The following EPHA4 variants were observed in gnomAD, a reference collection of about 807,000 sequenced individuals.
The protein encoded by EPHA4 is EPH receptor A4.
EPHA4 carries 19 observed loss-of-function variants against 108.3 expected under a neutral mutation model. The ratio of observed to expected loss-of-function variants is 0.18; its 90% CI spans 0.12 to 0.26. The LOEUF (loss-of-function observed/expected upper bound fraction) is 0.26, where lower values mean the gene tolerates loss of function less well. Among genes scored for constraint, EPHA4 ranks in the 10% least tolerant of loss-of-function variants. EPHA4 has a pLI of 1.00. For synonymous variants in EPHA4, 449 were observed against 455.5 expected (o/e 0.99, Z 0.18); for missense variants, 917 against 1,254.0 (o/e 0.73, Z 4.06).
chr2:221,533,095 A>C (rs1369098404), intron 3 of EPHA4: 1 of 152,226 alleles, frequency 6.6e-6, no homozygotes, highest in Non-Finnish European at 1.5e-5. Flanking sequence ...TAAATAAAGA[A>C]CAACAACAAT....
In EPHA4 at chr2:221,551,908, G is replaced by A. The variant is rs939864941; in HGVS notation, c.823+11823C>T. Among the ~76,000 whole-genome samples the A allele has an allele frequency of 2.0e-5, 3 of 151,706 alleles. No individual in the cohort carries two copies. The South Asian group carries it at 6.2e-4, about 32-fold the overall frequency. On this transcript the variant is annotated intron_variant, in intron 3 of 17. Transcript: ENST00000281821. ...TATCAGTGCTAATTTTAAACTCTAG[G>A]ATACAAGCAGAGAGGCAATTCTAAA...
At chr2:221,456,004 A>G (rs1690938311) in intron 7 of EPHA4, among the ~76,000 whole-genome samples, 1 of 152,156 alleles carries the variant, frequency 6.6e-6, no homozygotes. Context: ...AAAATCTATC[A>G]TCTTTTTATC....
rs1253307649 is a variant in EPHA4 at position 221,442,817 on chromosome 2, T to TA, written c.2074+11_2074+12insT. The TA allele has an allele frequency of 1.9e-6, 3 of 1,613,582 alleles. No individual in the cohort carries two copies. The Admixed American group carries it at 5.0e-5, about 27-fold the overall frequency. On this transcript the variant is annotated intron_variant, in intron 11 of 17. Coordinates refer to ENST00000281821, the MANE Select transcript of EPHA4 (RefSeq NM_004438.5). ...TTCTAGCTTGGCTTTGTAAAGGGGG[T>TA]GACCCACGTACATTTAGTGACCACG...
At chr2:221,429,564 T>C (rs1448375212) in intron 15 of EPHA4, among the ~76,000 whole-genome samples, 1 of 152,174 alleles carries the variant, frequency 6.6e-6, no homozygotes, top group African/African-American at 2.4e-5. Flanking sequence ...AAAGACCTGT[T>C]TTCTAATCTT....
intron 5 of EPHA4, among the ~76,000 whole-genome samples, chr2:221,473,454 G>A (rs1435549587): frequency 6.8e-6 from 1 of 147,948 alleles, no homozygotes; most frequent in Non-Finnish European, 1.5e-5. Flanking sequence ...GTATTTGAGT[G>A]ACATGGACAG....
chr2:221,537,550 G>A (rs942645308), intron 3 of EPHA4, among the ~76,000 whole-genome samples: 1 of 152,238 alleles, frequency 6.6e-6, no homozygotes, highest in Non-Finnish European at 1.5e-5. Flanking sequence ...ACTTTGGGAG[G>A]CCAAGGAGGT....
chr2:221,566,953 AAGGG>A lies in EPHA4; in HGVS notation c.159+1761_159+1764del, dbSNP rs1559297396. Among the ~76,000 whole-genome samples the A allele has an allele frequency of 4.2e-3, 354 of 84,850 alleles. 106 individuals are homozygous for A. The highest frequency in any genetic ancestry group is 9.5e-3 in the African/African-American group (148 of 15,514). The allele number at this position is 84,850 out of a possible 152,430, so 55.7% of individuals were successfully genotyped here. A position where few individuals can be genotyped will look rare whatever the true frequency, so the allele number is the denominator to read the frequency against. ...GAAGGAGAAGGAGAAGGAGAAGGAG[AAGGG>A]GAAGAGGAAGAGGAAGAAGAAGAAG... On this transcript the variant is annotated intron_variant, in intron 2 of 17. Coordinates refer to ENST00000281821, the MANE Select transcript of EPHA4 (RefSeq NM_004438.5).
intron 3 of EPHA4, among the ~76,000 whole-genome samples, chr2:221,528,797 A>G (rs191088786): frequency 1.3e-5 from 2 of 152,274 alleles, no homozygotes; most frequent in Admixed American, 1.3e-4. Context: ...TCTGGGTTCC[A>G]TGCCCTCCTG....
chr2:221,460,243 G>A (rs74770595), intron 5 of EPHA4, among the ~76,000 whole-genome samples: 1 of 152,168 alleles, frequency 6.6e-6, no homozygotes, highest in African/African-American at 2.4e-5. Context: ...CATAAAAATG[G>A]AGAATAAGGA....
intron 3 of EPHA4, among the ~76,000 whole-genome samples, chr2:221,560,677 C>T (rs1387775640): frequency 1.3e-5 from 2 of 152,116 alleles, no homozygotes; most frequent in African/African-American, 4.8e-5. Context: ...TGACTTTTAC[C>T]AATCTTACAA....
intron 2 of EPHA4, among the ~76,000 whole-genome samples, chr2:221,566,121 A>G (rs1694620326): frequency 1.3e-5 from 2 of 152,210 alleles, no homozygotes; most frequent in African/African-American, 4.8e-5. Context: ...ATCAGGAGCC[A>G]TCACTTTCCC....
intron 3 of EPHA4, among the ~76,000 whole-genome samples, chr2:221,531,283 C>A (rs890721890): frequency 1.3e-5 from 2 of 152,092 alleles, no homozygotes; most frequent in African/African-American, 2.4e-5. Context: ...AGATTAACCA[C>A]CTCAATGCCT....
rs1450291973 is a variant in EPHA4 at position 221,426,043 on chromosome 2, T to C, written c.2946A>G (p.Arg982=). Residue 982 remains arginine, a synonymous_variant, in exon 17 of 18, where the codon AGA becomes AGG. Coordinates refer to ENST00000281821, the MANE Select transcript of EPHA4 (RefSeq NM_004438.5). ...MRTQMQQMHG[R]MVPV is the part of the protein sequence containing the mutation. ...CAGTACTGGCTCAGACGGGAACCAT[T>C]CTGCCGTGCATCTGCTGCATTTGGG... The C allele has an allele frequency of 1.2e-6, 2 of 1,614,126 alleles. No homozygotes were observed. Among genetic ancestry groups the C allele is most frequent in the Admixed American group, 1.7e-5 (1 of 60,026 alleles).
chr2:221,516,883 T>C (rs1693004949), intron 3 of EPHA4, among the ~76,000 whole-genome samples: 1 of 152,162 alleles, frequency 6.6e-6, no homozygotes, highest in South Asian at 2.1e-4. Flanking sequence ...CCAAACTGTT[T>C]ATTGAAATTT....
In EPHA4 at chr2:221,564,355, T is replaced by C; in HGVS notation, c.199A>G (p.Ile67Val). The C allele has an allele frequency of 1.9e-6, 3 of 1,613,242 alleles. No individual in the cohort carries two copies. Among genetic ancestry groups the C allele is most frequent in the Non-Finnish European group, 2.5e-6 (3 of 1,179,266 alleles). The change falls in exon 3 of 18, where the codon ATC (isoleucine) becomes GTC (valine). Residue 67 changes from isoleucine to valine, a missense_variant. Ile to Val is a conservative substitution (Grantham distance 29). Around this residue, in one of 3 missense-constraint regions of EPHA4, gnomAD observed 758 missense variants for 1,076.7 expected, o/e 0.70. Coordinates refer to ENST00000281821, the MANE Select transcript of EPHA4 (RefSeq NM_004438.5). ...VSIMDEKNTP[I>V]RTYQVCNVME... ...ACATTGCACACTTGGTAGGTTCGGA[T>C]TGGTGTATTTTTTTCATCCATGATA...
At chr2:221,500,018 A>C (rs111282916) in intron 4 of EPHA4, among the ~76,000 whole-genome samples, 14 of 151,800 alleles carry the variant, frequency 9.2e-5, no homozygotes, top group Non-Finnish European at 7.4e-5. Flanking sequence ...CAGCCTCCCA[A>C]AGTGCTGGGA....
chr2:221,457,871 C>T lies in EPHA4; in HGVS notation c.1438G>A (p.Glu480Lys). 1 of 1,613,438 alleles carries T rather than the reference C, an allele frequency of 6.2e-7. No individual in the cohort carries two copies. Among genetic ancestry groups the T allele is most frequent in the Non-Finnish European group, 8.5e-7 (1 of 1,179,564 alleles). Residue 480 changes from glutamate to lysine, a missense_variant, in exon 6 of 18, where the codon GAG becomes AAG. Physicochemically the swap from Glu to Lys is moderately conservative, Grantham distance 56. This residue lies in a region of EPHA4 where 758 missense variants were observed against 1,076.7 expected (regional missense o/e 0.70). Coordinates refer to ENST00000281821, the MANE Select transcript of EPHA4 (RefSeq NM_004438.5). The stretch of plus-strand genomic sequence containing the variant: ...GTTGTTCACTCAAGTAATACCTTCT[C>T]ATAATACTTGACTTCATATTCCAGG... Reference protein sequence around the residue: ...VILEYEVKYYEKDQNERSYRI... With the variant: ...VILEYEVKYYKKDQNERSYRI...
At chr2:221,542,877 T>C (rs1693877105) in intron 3 of EPHA4, among the ~76,000 whole-genome samples, 1 of 152,162 alleles carries the variant, frequency 6.6e-6, no homozygotes, top group Non-Finnish European at 1.5e-5. Flanking sequence ...AAGGCTTTGA[T>C]GGCAAAAAAC....
At chr2:221,423,189 C>T (rs1239012035) in intron 17 of EPHA4, among the ~76,000 whole-genome samples, 1 of 152,214 alleles carries the variant, frequency 6.6e-6, no homozygotes, top group Non-Finnish European at 1.5e-5. Flanking sequence ...TGCAACAACA[C>T]CATGCATTAG....
Sources: allele counts gnomAD v4.1 joint callset (sites outside exome capture counted in the v4.1 genomes callset), GRCh38; gene constraint gnomAD v4.1.1; regional missense constraint gnomAD v4.1.1; transcripts MANE v1.5; gene names NCBI Gene and HGNC (gene_info 2026-07-23, HGNC 2026-07-21).